Variants in CADPS2 observed in about 807,000 individuals in gnomAD.
CADPS2 encodes the protein calcium-dependent secretion activator 2.
In CADPS2, 93 loss-of-function variants were observed where a neutral mutation model predicts 172.5. That is an observed-to-expected ratio of 0.54 (90% confidence interval 0.46 to 0.64). The LOEUF is 0.64. Ranked by LOEUF, CADPS2 falls within the 30% of genes least tolerant of loss-of-function variation. CADPS2 has a pLI of 0.00. For missense variants in CADPS2, 1,420 were observed against 1,565.9 expected, an observed-to-expected ratio of 0.91 and a Z score of 1.57; for synonymous variants, 546 against 555.2, an observed-to-expected ratio of 0.98 and a Z score of 0.23.
chr7:122,844,144 C>G (rs879599811), intron 1 of CADPS2, among the ~76,000 whole-genome samples: 2 of 152,164 alleles, frequency 1.3e-5, no homozygotes, highest in Non-Finnish European at 2.9e-5. Flanking sequence ...AGGGACAGGA[C>G]GAGCCTCACC....
At chr7:122,793,133 T>C (rs1795638787) in intron 1 of CADPS2, among the ~76,000 whole-genome samples, 1 of 152,180 alleles carries the variant, frequency 6.6e-6, no homozygotes, top group African/African-American at 2.4e-5. Context: ...TCATTTTTCA[T>C]TTCCATTGAT....
rs781239398 is a variant in CADPS2, at chr7:122,471,522, T to A, written c.2039A>T (p.Tyr680Phe). 4.3e-5 allele frequency: 70 copies of A among 1,609,428 alleles called. 2 individuals are homozygous for A. In the Admixed American group the frequency reaches 1.2e-3, roughly 27 times the overall value. Residue 680 changes from tyrosine to phenylalanine, a missense_variant, in exon 14 of 30, where the codon TAC (tyrosine) becomes TTC (phenylalanine). By Grantham distance (22) the Tyr-to-Phe change is conservative. Transcript: ENST00000449022. The stretch of plus-strand genomic sequence containing the variant: ...GCCTCTCACACCATAACGGGCACAG[T>A]ACTCATCTAACACAAAGACTTGGCC... ...SPGQVFVLDEYCARYGVRGCH... is the reference protein window; with the variant it reads ...SPGQVFVLDEFCARYGVRGCH...
chr7:122,579,457 A>G (rs950404624), intron 7 of CADPS2, among the ~76,000 whole-genome samples: 3 of 81,642 alleles, frequency 3.7e-5, no homozygotes, highest in Non-Finnish European at 9.2e-5. Context: ...TCGAATATAT[A>G]TATATATATA....
rs765346470 is a variant in CADPS2 at position 122,658,667 on chromosome 7, T to C, written c.786+4570A>G. 5.9e-4 allele frequency among the ~76,000 whole-genome samples: 90 copies of C among 152,174 alleles called. 1 individual carries two copies. The Middle Eastern group carries it at 0.031, about 52-fold the overall frequency. On this transcript the variant is annotated intron_variant, in intron 3 of 29. Transcript: ENST00000449022. Reference sequence around the variant, plus strand: ...ACCAAACACCACATGTTCTCACTCATAGGTGGGAATTGAACAATGAGAACA... The same window carrying C: ...ACCAAACACCACATGTTCTCACTCACAGGTGGGAATTGAACAATGAGAACA...
At chr7:122,577,483 CATTA>C (rs1208978872) in intron 7 of CADPS2, among the ~76,000 whole-genome samples, 1 of 152,162 alleles carries the variant, frequency 6.6e-6, no homozygotes, top group Non-Finnish European at 1.5e-5. Flanking sequence ...TATGCCACTG[CATTA>C]ATTAATAGCT....
intron 15 of CADPS2, among the ~76,000 whole-genome samples, chr7:122,447,632 C>T (rs2052461218): frequency 6.9e-6 from 1 of 145,188 alleles, no homozygotes. Context: ...CGGCTCACTG[C>T]AGCCTCTGCC....
chr7:122,636,920 T>G (rs1361118387), intron 3 of CADPS2, among the ~76,000 whole-genome samples: 1 of 152,174 alleles, frequency 6.6e-6, no homozygotes, highest in Admixed American at 6.5e-5. Context: ...GAAATTTTCA[T>G]GGACTATATC....
chr7:122,514,350 ATTAT>A (rs201127108), intron 8 of CADPS2, among the ~76,000 whole-genome samples: 2,134 of 152,126 alleles, frequency 0.014, 51 homozygotes, highest in African/African-American at 0.049. Context: ...GAGCATTATG[ATTAT>A]TTATTTAGGG....
Position 122,471,477 on chromosome 7 carries a change from T to C in CADPS2, c.2084A>G (p.Tyr695Cys). Reference sequence around the variant, plus strand: ...TGAATGTTCCATCAGTTCTGCAAGGTAGCAGAGATGTCTGTGACAGCCTCT... The same window carrying C: ...TGAATGTTCCATCAGTTCTGCAAGGCAGCAGAGATGTCTGTGACAGCCTCT... The part of the protein sequence containing the change: ...GVRGCHRHLC[Y>C]LAELMEHSEN... Residue 695 changes from tyrosine to cysteine, a missense_variant, in exon 14 of 30, where the codon TAC (tyrosine) becomes TGC (cysteine). Transcript: ENST00000449022. 6.2e-7 allele frequency: 1 copy of C among 1,613,284 alleles called. No homozygotes were observed. Among genetic ancestry groups the C allele is most frequent in the Non-Finnish European group, 8.5e-7 (1 of 1,179,630 alleles).
intron 17 of CADPS2, among the ~76,000 whole-genome samples, chr7:122,437,341 T>C (rs1027828665): frequency 1.3e-5 from 2 of 152,084 alleles, no homozygotes; most frequent in Non-Finnish European, 2.9e-5. Context: ...GGTTATCGTA[T>C]GCTTGTTAGA....
At chr7:122,882,889 C>A (rs1426208972) in intron 1 of CADPS2, among the ~76,000 whole-genome samples, 1 of 152,056 alleles carries the variant, frequency 6.6e-6, no homozygotes, top group Non-Finnish European at 1.5e-5. Context: ...AGTTCATACT[C>A]ATATCATGTG....
chr7:122,492,438 T>C (rs934821350), intron 9 of CADPS2, among the ~76,000 whole-genome samples: 5 of 152,048 alleles, frequency 3.3e-5, no homozygotes, highest in Admixed American at 1.3e-4. Context: ...CCTGAGTGTG[T>C]CTGCTTGGAT....
intron 9 of CADPS2, among the ~76,000 whole-genome samples, chr7:122,502,152 T>C (rs2059258905): frequency 6.6e-6 from 1 of 152,132 alleles, no homozygotes; most frequent in Non-Finnish European, 1.5e-5. Context: ...TTCAAGGTAG[T>C]ACGCTTTTAT....
chr7:122,401,084 T>A (rs2045892568), intron 20 of CADPS2, among the ~76,000 whole-genome samples: 2 of 152,320 alleles, frequency 1.3e-5, no homozygotes, highest in African/African-American at 4.8e-5. Context: ...ACTCTCCTTG[T>A]TAATTATTAA....
At chr7:122,657,210 A>G (rs1364460961) in intron 3 of CADPS2, among the ~76,000 whole-genome samples, 1 of 152,222 alleles carries the variant, frequency 6.6e-6, no homozygotes, top group African/African-American at 2.4e-5. Context: ...TGGTTACTGT[A>G]GCCTTGTAGT....
At chr7:122,862,740 AAAG>A (rs2141317861) in intron 1 of CADPS2, among the ~76,000 whole-genome samples, 1 of 152,276 alleles carries the variant, frequency 6.6e-6, no homozygotes, top group African/African-American at 2.4e-5. Flanking sequence ...TTTAAAAAAA[AAAG>A]AATAACCCTT....
intron 1 of CADPS2, among the ~76,000 whole-genome samples, chr7:122,829,888 A>T (rs1467435499): frequency 1.3e-5 from 2 of 152,254 alleles, no homozygotes; most frequent in African/African-American, 4.8e-5. Context: ...AATTCAAAAT[A>T]GCAAATGGGC....
chr7:122,697,857 C>A lies in CADPS2; in HGVS notation c.454-34288G>T, dbSNP rs773843531. 2.5e-6 allele frequency: 4 copies of A among 1,612,438 alleles called. No homozygotes were observed. The African/African-American group carries it at 5.3e-5, about 22-fold the overall frequency. On this transcript the variant is annotated intron_variant, in intron 2 of 29. Transcript: ENST00000449022. ...TGTCATTATTCTGAGAAGTAGGGTT[C>A]TCCTCCACATGGATTACTTTATCTG...
At chr7:122,837,507 A>T (rs184095445) in intron 1 of CADPS2, among the ~76,000 whole-genome samples, 1 of 152,338 alleles carries the variant, frequency 6.6e-6, no homozygotes, top group East Asian at 1.9e-4. Context: ...TTTTGAAGAG[A>T]TCAACAAAAT....
Sources: allele counts gnomAD v4.1 joint callset (sites outside exome capture counted in the v4.1 genomes callset), GRCh38; gene constraint gnomAD v4.1.1; transcripts MANE v1.5; gene names NCBI Gene and HGNC (gene_info 2026-07-23, HGNC 2026-07-21).